NRF1: variants seen among roughly 807,000 people sequenced by gnomAD.
NRF1 encodes the protein nuclear respiratory factor 1.
NRF1 carries 5 observed loss-of-function variants against 58.5 expected under a neutral mutation model. That is an observed-to-expected ratio of 0.09 (90% CI 0.04 to 0.18). The LOEUF is 0.18. NRF1 is among the 10% of genes least tolerant of loss of function. The pLI is 1.00. For missense variants in NRF1, 288 were observed against 657.7 expected (o/e 0.44, Z 6.15); for synonymous variants, 224 against 246.7 (o/e 0.91, Z 0.86).
intron 10 of NRF1, among the ~76,000 whole-genome samples, chr7:129,729,256 C>T (rs550427008): frequency 6.6e-6 from 1 of 152,304 alleles, no homozygotes; most frequent in East Asian, 1.9e-4. Flanking sequence ...GACCCTCTGG[C>T]TCTCGGCCAA....
At chr7:129,725,921 A>G (rs1803442660) in intron 9 of NRF1, among the ~76,000 whole-genome samples, 3 of 152,146 alleles carry the variant, frequency 2.0e-5, no homozygotes, top group African/African-American at 7.2e-5. Flanking sequence ...GGGAATTACT[A>G]TATCTGTTGT....
rs749335201 is a variant in NRF1, at chr7:129,662,102, G to A, written c.223+4528G>A. ...TATTCACTATCACAAGAACAGCACCGGAAAGACCTGCCCGCATGATTCAGT... is the reference window on the plus strand; with the variant it reads ...TATTCACTATCACAAGAACAGCACCAGAAAGACCTGCCCGCATGATTCAGT... On this transcript the variant is annotated intron_variant, in intron 2 of 10. Coordinates refer to ENST00000393232, the MANE Select transcript of NRF1 (RefSeq NM_005011.5). Among the ~76,000 whole-genome samples, 33 of 150,468 alleles carry A rather than the reference G, an allele frequency of 2.2e-4. 1 individual carries two copies. Among genetic ancestry groups the A allele is most frequent in the Non-Finnish European group, 3.2e-4 (22 of 67,976 alleles).
At chr7:129,702,427 A>G (rs532826839) in intron 5 of NRF1, among the ~76,000 whole-genome samples, 114 of 152,226 alleles carry the variant, frequency 7.5e-4, no homozygotes, top group African/African-American at 2.6e-3. Flanking sequence ...TTCTATGGGA[A>G]TGTGTTTTTA....
intron 8 of NRF1, 141 bp from the exon 9 acceptor site, chr7:129,717,078 C>T (rs910542741): frequency 1.3e-6 from 1 of 746,176 alleles, no homozygotes; most frequent in Admixed American, 3.3e-5. Context: ...ATGCTTAAAG[C>T]TCTGTTCTGT....
At chr7:129,694,649 C>G (rs945932214) in intron 5 of NRF1, among the ~76,000 whole-genome samples, 2 of 152,088 alleles carry the variant, frequency 1.3e-5, no homozygotes, top group Admixed American at 6.6e-5. Flanking sequence ...ATTGCAGGCA[C>G]GAGCCACTGC....
At chr7:129,649,316 C>T (rs1345397532) in intron 1 of NRF1, among the ~76,000 whole-genome samples, 1 of 152,118 alleles carries the variant, frequency 6.6e-6, no homozygotes, top group African/African-American at 2.4e-5. Flanking sequence ...CCCCCCACCC[C>T]ACCCCGGGTT....
At chr7:129,748,737 C>G (rs990123056) in intron 10 of NRF1, among the ~76,000 whole-genome samples, 2 of 152,206 alleles carry the variant, frequency 1.3e-5, no homozygotes, top group Non-Finnish European at 2.9e-5. Context: ...GATAAACATA[C>G]TTATTCATCC....
At chr7:129,618,012 C>A (rs1489712184) in intron 1 of NRF1, among the ~76,000 whole-genome samples, 1 of 152,054 alleles carries the variant, frequency 6.6e-6, no homozygotes, top group Non-Finnish European at 1.5e-5. Flanking sequence ...ATTTAGGGAC[C>A]ATAAGAGGTT....
chr7:129,649,763 T>G (rs1463219771), intron 1 of NRF1, among the ~76,000 whole-genome samples: 4 of 152,316 alleles, frequency 2.6e-5, no homozygotes, highest in Non-Finnish European at 4.4e-5. Context: ...AATTTAATTT[T>G]TTTTTTAAGA....
chr7:129,646,924 TA>T (rs1801418794), intron 1 of NRF1, among the ~76,000 whole-genome samples: 1 of 152,194 alleles, frequency 6.6e-6, no homozygotes, highest in Non-Finnish European at 1.5e-5. Flanking sequence ...CTTTAGTTAT[TA>T]AAATGTGCAG....
In NRF1 at chr7:129,684,323, T is replaced by C. The variant is rs888584200; in HGVS notation, c.466-6083T>C. Among the ~76,000 whole-genome samples, 16 of 152,200 alleles carry C rather than the reference T, an allele frequency of 1.1e-4. 1 individual carries two copies. The highest frequency in any genetic ancestry group is 3.9e-4 in the Admixed American group (6 of 15,286). The stretch of plus-strand genomic sequence containing the variant: ...AGCTTTAGAAACAAGATAGCTGTAA[T>C]TGCAGACAAGAAGAGATTGAAAATT... On this transcript the variant is annotated intron_variant, in intron 4 of 10. Coordinates refer to ENST00000393232, the MANE Select transcript of NRF1 (RefSeq NM_005011.5).
intron 9 of NRF1, among the ~76,000 whole-genome samples, chr7:129,719,135 C>CTT (rs146966280): frequency 2.1e-5 from 3 of 145,298 alleles, no homozygotes; most frequent in African/African-American, 5.0e-5. Flanking sequence ...TAAAGTGATT[C>CTT]TTTTTTTTTT....
chr7:129,627,609 A>G (rs1354207065), intron 1 of NRF1, among the ~76,000 whole-genome samples: 3 of 152,178 alleles, frequency 2.0e-5, no homozygotes, highest in African/African-American at 7.2e-5. Flanking sequence ...ACCAAATTCC[A>G]TAGCTTTCCA....
chr7:129,719,424 G>A (rs1339140983), intron 9 of NRF1, among the ~76,000 whole-genome samples: 6 of 151,650 alleles, frequency 4.0e-5, no homozygotes, highest in Non-Finnish European at 5.9e-5. Flanking sequence ...AAGCCACCAC[G>A]CCCAGCCTAA....
At chr7:129,636,467 C>G (rs543256143) in intron 1 of NRF1, among the ~76,000 whole-genome samples, 2 of 152,316 alleles carry the variant, frequency 1.3e-5, no homozygotes, top group East Asian at 3.9e-4. Flanking sequence ...CTCCTGACCT[C>G]AAACTGCTGA....
intron 4 of NRF1, among the ~76,000 whole-genome samples, chr7:129,686,704 G>A (rs115120267): frequency 0.015 from 2,326 of 152,366 alleles, 55 homozygotes; most frequent in African/African-American, 0.053. Flanking sequence ...TCAAATGGCA[G>A]TGGTATACAA....
At position 129,718,107 on chromosome 7, in the gene NRF1, G is replaced by T. The variant is rs898569134; in HGVS notation, c.1223+731G>T. 2.6e-5 allele frequency among the ~76,000 whole-genome samples: 4 copies of T among 152,168 alleles called. No individual in the cohort carries two copies. The East Asian group carries it at 7.7e-4, about 29-fold the overall frequency. On this transcript the variant is annotated intron_variant, in intron 9 of 10. Coordinates refer to ENST00000393232, the MANE Select transcript of NRF1 (RefSeq NM_005011.5). ...CTCCAAGAGGTGGTTTCTGAAACTC[G>T]ATTGTATTATTCCCTGCCTGGTTCT...
chr7:129,679,796 G>T (rs79773563), intron 4 of NRF1, among the ~76,000 whole-genome samples: 2 of 151,242 alleles, frequency 1.3e-5, no homozygotes, highest in Non-Finnish European at 2.9e-5. Context: ...AGTGGCTCAC[G>T]CCTGTAATCC....
At chr7:129,749,696 G>A (rs540228802) in intron 10 of NRF1, among the ~76,000 whole-genome samples, 123 of 152,070 alleles carry the variant, frequency 8.1e-4, no homozygotes, top group Non-Finnish European at 1.3e-3. Flanking sequence ...CCTGGCCCTG[G>A]TGTTAAGTGT....
Sources: gnomAD v4.1 joint callset for allele counts (sites outside exome capture counted in the v4.1 genomes callset) on GRCh38, gnomAD v4.1.1 for gene constraint, MANE v1.5 for transcripts, NCBI Gene and HGNC (gene_info 2026-07-23, HGNC 2026-07-21) for gene names.